Variants in CSMD3 observed in about 807,000 individuals in gnomAD.
CSMD3 encodes the protein CUB and Sushi multiple domains 3, also known as CUB and sushi domain-containing protein 3.
CSMD3 carries 177 observed loss-of-function variants against 435.2 expected under a neutral mutation model. The ratio of observed to expected loss-of-function variants is 0.41; its 90% CI spans 0.36 to 0.46. CSMD3 has a LOEUF of 0.46. CSMD3 is among the 20% of genes least tolerant of loss of function. The pLI, the probability that CSMD3 is intolerant of heterozygous loss-of-function variation, is 0.34. For missense variants in CSMD3, 4,265 were observed against 4,504.6 expected, an observed-to-expected ratio of 0.95 and a Z score of 1.52; for synonymous variants, 1,656 against 1,520.5, an observed-to-expected ratio of 1.09 and a Z score of -2.07.
intron 65 of CSMD3, among the ~76,000 whole-genome samples, chr8:112,242,153 C>T (rs1303777614): frequency 6.6e-6 from 1 of 151,984 alleles, no homozygotes; most frequent in Non-Finnish European, 1.5e-5. Context: ...TGACAGAAAG[C>T]AAAAACTATT....
chr8:112,784,138 A>G (rs578093151), intron 13 of CSMD3, among the ~76,000 whole-genome samples: 3 of 152,060 alleles, frequency 2.0e-5, no homozygotes, highest in Non-Finnish European at 2.9e-5. Flanking sequence ...ATAGATAACA[A>G]GAGGATAAAT....
chr8:112,955,269 T>A (rs914920102), intron 7 of CSMD3, among the ~76,000 whole-genome samples: 4 of 151,730 alleles, frequency 2.6e-5, no homozygotes, highest in African/African-American at 9.7e-5. Flanking sequence ...GCTCTGTCAA[T>A]CATTTCCATT....
chr8:112,598,958 G>T (rs1250941196), intron 22 of CSMD3, among the ~76,000 whole-genome samples: 1 of 150,958 alleles, frequency 6.6e-6, no homozygotes, highest in African/African-American at 2.4e-5. Context: ...CATAGGCATG[G>T]GCAAGGACTT....
Position 112,292,656 on chromosome 8 carries a change from C to G in CSMD3, c.8669G>C (p.Gly2890Ala), listed in dbSNP as rs2130690151. The change falls in exon 55 of 71, where the codon GGG becomes GCG. Residue 2890 changes from glycine (G) to alanine (A), a missense_variant. Physicochemically the swap from Gly to Ala is moderately conservative, Grantham distance 60. Transcript: ENST00000297405. ...TGTTACCACATCATTAAAGTTGAAC[C>G]CATTTCCACTTGTTCTTCCATAAAT... The part of the protein sequence containing the change: ...SPIYGRTSGN[G>A]FNFNDVVTFS... 6.2e-7 allele frequency: 1 copy of G among 1,613,698 alleles called. No homozygotes were observed. Among genetic ancestry groups the G allele is most frequent in the Non-Finnish European group, 8.5e-7 (1 of 1,179,696 alleles).
intron 32 of CSMD3, among the ~76,000 whole-genome samples, chr8:112,470,049 A>G (rs1563578630): frequency 6.6e-6 from 1 of 152,140 alleles, no homozygotes; most frequent in Non-Finnish European, 1.5e-5. Context: ...CTACTGCTTG[A>G]CCATCTGTCA....
chr8:112,878,398 A>T lies in CSMD3; in HGVS notation c.1634-19132T>A, dbSNP rs61436551. 2.5e-3 allele frequency among the ~76,000 whole-genome samples: 383 copies of T among 152,220 alleles called. 1 individual carries two copies. The highest frequency in any genetic ancestry group is 8.4e-3 in the African/African-American group (349 of 41,566). On this transcript the variant is annotated intron_variant, in intron 10 of 70. Transcript: ENST00000297405. ...TCTCATGTCAGTTAGAATGGCAATC[A>T]TAAAAAGTCAGGAAACAACAGATGC...
intron 13 of CSMD3, among the ~76,000 whole-genome samples, chr8:112,735,222 T>A (rs1439015341): frequency 6.6e-6 from 1 of 152,046 alleles, no homozygotes; most frequent in East Asian, 1.9e-4. Flanking sequence ...TGAGCTGAAG[T>A]TGGTTATTTA....
At chr8:113,354,340 C>A (rs1241818886) in intron 1 of CSMD3, among the ~76,000 whole-genome samples, 1 of 152,108 alleles carries the variant, frequency 6.6e-6, no homozygotes, top group Non-Finnish European at 1.5e-5. Context: ...ACAGGAAAGA[C>A]AGAAATTTAG....
At chr8:112,689,164 A>G (rs1399922151) in intron 14 of CSMD3, among the ~76,000 whole-genome samples, 1 of 152,028 alleles carries the variant, frequency 6.6e-6, no homozygotes, top group Non-Finnish European at 1.5e-5. Context: ...CCTCTTCTAG[A>G]CTTCCTGAAG....
chr8:113,138,018 T>C (rs140822146), intron 4 of CSMD3, among the ~76,000 whole-genome samples: 10 of 151,744 alleles, frequency 6.6e-5, no homozygotes, highest in South Asian at 2.1e-4. Context: ...TGAAGATATA[T>C]TGCAATGTTC....
chr8:112,932,146 T>C (rs965194741), intron 9 of CSMD3, among the ~76,000 whole-genome samples: 1 of 152,198 alleles, frequency 6.6e-6, no homozygotes, highest in Non-Finnish European at 1.5e-5. Context: ...TGCATTCCCA[T>C]GTTTATTGCA....
At chr8:113,313,568 G>A (rs1213764734) in intron 2 of CSMD3, 1 of 152,084 alleles carries the variant, frequency 6.6e-6, no homozygotes, top group Non-Finnish European at 1.5e-5. Context: ...TAAATGCAAA[G>A]GAATATGGAA....
rs775204393 is a variant in CSMD3 at position 112,433,854 on chromosome 8, T to C, written c.5396-24822A>G. On this transcript the variant is annotated intron_variant, in intron 32 of 70. Transcript: ENST00000297405. Reference sequence around the variant, plus strand: ...GAAAGCCATCTATTTTAGTGCTAAGTTTTTTTTTGTTAGAATCAATTACTT... The same window carrying C: ...GAAAGCCATCTATTTTAGTGCTAAGCTTTTTTTTGTTAGAATCAATTACTT... 1.2e-4 allele frequency among the ~76,000 whole-genome samples: 12 copies of C among 101,518 alleles called. No homozygotes were observed. In the Middle Eastern group the frequency reaches 0.026, roughly 223 times the overall value. 66.6% of individuals were successfully genotyped at this position (101,518 alleles called of 152,430 possible).
intron 9 of CSMD3, among the ~76,000 whole-genome samples, chr8:112,930,992 C>T (rs541799443): frequency 6.6e-6 from 1 of 152,132 alleles, no homozygotes; most frequent in Non-Finnish European, 1.5e-5. Flanking sequence ...ATAAAATCAA[C>T]TTTTCCACAT....
intron 3 of CSMD3, among the ~76,000 whole-genome samples, chr8:113,227,270 T>C (rs2093038891): frequency 6.6e-6 from 1 of 151,576 alleles, no homozygotes; most frequent in Non-Finnish European, 1.5e-5. Context: ...AATAGCAAAT[T>C]CTGATGTCAA....
intron 2 of CSMD3, among the ~76,000 whole-genome samples, chr8:113,300,889 TTGAGTTAAAA>T (rs2093760800): frequency 2.0e-5 from 3 of 152,042 alleles, no homozygotes; most frequent in Non-Finnish European, 4.4e-5. Context: ...ATGCATACAA[TTGAGTTAAAA>T]TGAGTGAAAA....
chr8:112,747,380 G>T (rs1397655320), intron 13 of CSMD3, among the ~76,000 whole-genome samples: 5 of 151,434 alleles, frequency 3.3e-5, no homozygotes, highest in African/African-American at 7.3e-5. Flanking sequence ...TAAGAACAGG[G>T]CCAATCCAAC....
chr8:112,872,096 T>C (rs1026009097), intron 10 of CSMD3, among the ~76,000 whole-genome samples: 3 of 152,064 alleles, frequency 2.0e-5, no homozygotes, highest in African/African-American at 7.2e-5. Context: ...AATTCTCAGA[T>C]TCTTGACAGT....
chr8:112,703,038 C>A (rs2076423207), intron 13 of CSMD3, among the ~76,000 whole-genome samples: 1 of 152,096 alleles, frequency 6.6e-6, no homozygotes, highest in African/African-American at 2.4e-5. Context: ...ATTAAACACA[C>A]AAAAAATTTA....
Sources: gnomAD v4.1 joint callset for allele counts (sites outside exome capture counted in the v4.1 genomes callset) on GRCh38, gnomAD v4.1.1 for gene constraint, MANE v1.5 for transcripts, NCBI Gene and HGNC (gene_info 2026-07-23, HGNC 2026-07-21) for gene names.